Variants in GRIK4 observed in about 807,000 individuals in gnomAD.
GRIK4 encodes glutamate receptor ionotropic, kainate 4.
GRIK4 carries 40 observed loss-of-function variants against 104.9 expected under a neutral mutation model. The observed-to-expected ratio is 0.38, with a 90% CI of 0.30 to 0.50. The LOEUF is 0.50. Ranked by LOEUF, GRIK4 falls within the 20% of genes least tolerant of loss-of-function variation. The pLI is 0.93. For missense variants in GRIK4, 1,047 were observed against 1,308.1 expected, an observed-to-expected ratio of 0.80 and a Z score of 3.08; for synonymous variants, 485 against 524.9, an observed-to-expected ratio of 0.92 and a Z score of 1.04.
At chr11:120,846,173 G>A (rs1953848139) in intron 8 of GRIK4, among the ~76,000 whole-genome samples, 1 of 152,228 alleles carries the variant, frequency 6.6e-6, no homozygotes. Context: ...TTTTTGCATT[G>A]TGGAAACTGT....
chr11:120,710,997 T>TGGC (rs1555046761), intron 3 of GRIK4, among the ~76,000 whole-genome samples: 1 of 124,864 alleles, frequency 8.0e-6, no homozygotes, highest in Non-Finnish European at 1.6e-5. Flanking sequence ...CCCTGTGAGG[T>TGGC]GGGGAGGGGG....
At chr11:120,571,462 G>A (rs1948397957) in intron 1 of GRIK4, among the ~76,000 whole-genome samples, 1 of 152,180 alleles carries the variant, frequency 6.6e-6, no homozygotes, top group East Asian at 1.9e-4. Context: ...CTTGCTGGAA[G>A]ATTTTGATTT....
intron 13 of GRIK4, among the ~76,000 whole-genome samples, chr11:120,922,125 A>G (rs78579336): frequency 0.021 from 3,157 of 152,266 alleles, 132 homozygotes; most frequent in African/African-American, 0.072. Flanking sequence ...TACTAGCCTC[A>G]TTACTGTGTG....
chr11:120,756,479 C>G (rs1951653612), intron 3 of GRIK4, among the ~76,000 whole-genome samples: 1 of 152,166 alleles, frequency 6.6e-6, no homozygotes, highest in Non-Finnish European at 1.5e-5. Flanking sequence ...TAAAGAAAAC[C>G]CCTCTCTTGT....
In GRIK4 at chr11:120,691,585, C is replaced by T. The variant is rs150279408; in HGVS notation, c.82+31185C>T. Among the ~76,000 whole-genome samples, 12 of 152,266 alleles carry T rather than the reference C, an allele frequency of 7.9e-5. No individual in the cohort carries two copies. The East Asian group carries it at 2.3e-3, about 29-fold the overall frequency. On this transcript the variant is annotated intron_variant, in intron 3 of 20. Coordinates refer to ENST00000527524, the MANE Select transcript of GRIK4 (RefSeq NM_014619.5). ...AAGTATTTTTTCCACTCTATGCAGC[C>T]TCCTTTAAAGAAAGTAGGAGAGAGG...
At chr11:120,923,215 C>T (rs1383628153) in intron 13 of GRIK4, among the ~76,000 whole-genome samples, 1 of 152,096 alleles carries the variant, frequency 6.6e-6, no homozygotes, top group East Asian at 1.9e-4. Context: ...AGGAGCAAAT[C>T]AGATAGGAGG....
chr11:120,924,772 G>A (rs1943305834), intron 13 of GRIK4, among the ~76,000 whole-genome samples: 1 of 152,180 alleles, frequency 6.6e-6, no homozygotes, highest in Non-Finnish European at 1.5e-5. Flanking sequence ...CTATTGATGG[G>A]CATATGAGCC....
rs941539264 is a variant in GRIK4, at chr11:120,555,589, C to T, written c.-159+43702C>T. Among the ~76,000 whole-genome samples, 1 of 152,198 alleles carries T rather than the reference C, an allele frequency of 6.6e-6. No individual in the cohort carries two copies. Among genetic ancestry groups the T allele is most frequent in the Admixed American group, 6.5e-5 (1 of 15,276 alleles). ...TCACGGTCCGCCTGCCTTTCCCGAC[C>T]TACCCACTTCTGGGGAGTTTCTTAT... On this transcript the variant is annotated intron_variant, in intron 1 of 20. Transcript: ENST00000527524. This position sits in a 1 kb window ranked among gnomAD's most constrained non-coding sequence, Gnocchi z 5.3.
intron 19 of GRIK4, among the ~76,000 whole-genome samples, chr11:120,973,223 A>C (rs78617151): frequency 0.014 from 2,083 of 152,308 alleles, 40 homozygotes; most frequent in Non-Finnish European, 0.015. Context: ...TTCCGCATCC[A>C]CAGAGGTCTA....
At chr11:120,614,492 G>A (rs181152838) in intron 1 of GRIK4, among the ~76,000 whole-genome samples, 26 of 152,202 alleles carry the variant, frequency 1.7e-4, no homozygotes, top group African/African-American at 5.5e-4. Context: ...GGAGGCCCCC[G>A]GATCAGCGAG....
At chr11:120,680,367 G>A (rs1357910167) in intron 3 of GRIK4, among the ~76,000 whole-genome samples, 2 of 152,006 alleles carry the variant, frequency 1.3e-5, no homozygotes, top group African/African-American at 4.8e-5. Context: ...ACAGACGTGA[G>A]CCACTGTGCC....
At chr11:120,673,398 G>A (rs531969719) in intron 3 of GRIK4, among the ~76,000 whole-genome samples, 2 of 152,322 alleles carry the variant, frequency 1.3e-5, no homozygotes, top group East Asian at 1.9e-4. Flanking sequence ...GCTGCTTGCC[G>A]AGGACTGTGC....
chr11:120,931,113 G>T (rs1396927134), intron 13 of GRIK4, among the ~76,000 whole-genome samples: 2 of 152,196 alleles, frequency 1.3e-5, no homozygotes, highest in African/African-American at 4.8e-5. Flanking sequence ...AGCTGGGAGA[G>T]GATATCACAG....
chr11:120,972,481 A>T (rs1443229022), intron 19 of GRIK4, among the ~76,000 whole-genome samples: 1 of 152,188 alleles, frequency 6.6e-6, no homozygotes, highest in Non-Finnish European at 1.5e-5. Context: ...GTTAATTCCT[A>T]ATAGGATCTG....
intron 13 of GRIK4, among the ~76,000 whole-genome samples, chr11:120,926,681 A>G (rs1943352346): frequency 6.6e-6 from 1 of 152,132 alleles, no homozygotes. Flanking sequence ...TCTTTCTTGG[A>G]TTTGTCTATT....
At chr11:120,607,018 A>G (rs1948971374) in intron 1 of GRIK4, among the ~76,000 whole-genome samples, 1 of 152,132 alleles carries the variant, frequency 6.6e-6, no homozygotes, top group Non-Finnish European at 1.5e-5. Context: ...AGGTGATGGA[A>G]TTTGGGTGGT....
intron 1 of GRIK4, among the ~76,000 whole-genome samples, chr11:120,630,322 GC>G (rs1949318760): frequency 6.6e-6 from 1 of 152,238 alleles, no homozygotes; most frequent in Non-Finnish European, 1.5e-5. Context: ...ACAAAAGACT[GC>G]CTGACCATTT....
chr11:120,823,638 G>T (rs1399851325), intron 6 of GRIK4, among the ~76,000 whole-genome samples: 3 of 152,192 alleles, frequency 2.0e-5, no homozygotes, highest in Non-Finnish European at 4.4e-5. Context: ...CCCTGGAGCA[G>T]TGGTTCGAGG....
intron 3 of GRIK4, among the ~76,000 whole-genome samples, chr11:120,742,009 T>A (rs1260037705): frequency 6.6e-6 from 1 of 151,986 alleles, no homozygotes; most frequent in Non-Finnish European, 1.5e-5. Context: ...TGGGCTCACA[T>A]CTCAGGAATT....
Sources: allele counts gnomAD v4.1 joint callset (sites outside exome capture counted in the v4.1 genomes callset), GRCh38; gene constraint gnomAD v4.1.1; non-coding constraint Gnocchi (gnomAD v3.1); transcripts MANE v1.5; gene names NCBI Gene and HGNC (gene_info 2026-07-23, HGNC 2026-07-21).